The following TULP3 variants were observed in gnomAD, a reference collection of about 807,000 sequenced individuals.
The protein encoded by TULP3 is tubby-related protein 3.
Under a neutral mutation model 50.7 loss-of-function variants are expected in TULP3, and 38 were observed. That is an observed-to-expected ratio of 0.75 (90% CI 0.58 to 0.98). TULP3 has a LOEUF of 0.98. TULP3 is among the 50% of genes least tolerant of loss of function. The pLI is 0.00. For missense variants in TULP3, 550 were observed against 568.0 expected, an observed-to-expected ratio of 0.97 and a Z score of 0.32; for synonymous variants, 183 against 196.6, an observed-to-expected ratio of 0.93 and a Z score of 0.58.
At chr12:2,907,404 G>C (rs1403711696) in intron 1 of TULP3, among the ~76,000 whole-genome samples, 1 of 150,042 alleles carries the variant, frequency 6.7e-6, no homozygotes, top group Non-Finnish European at 1.5e-5. Flanking sequence ...GAACCTGGGA[G>C]GCAGAGGTTG....
rs976090657 is a variant in TULP3 at position 2,939,824 on chromosome 12, A to G, written c.*380A>G. On this transcript the variant is annotated 3_prime_UTR_variant, in exon 11 of 11. Coordinates refer to ENST00000448120, the MANE Select transcript of TULP3 (RefSeq NM_003324.5). This position sits in a 1 kb window ranked among gnomAD's most constrained non-coding sequence, Gnocchi z 4.0. ...TATAAAACACACACACACCCCGCGC[A>G]CTCTCACTCCTTTTCCAGGTTTCAT... The G allele has an allele frequency of 5.1e-6, 6 of 1,187,740 alleles. No homozygotes were observed. In the South Asian group the frequency reaches 6.3e-5, roughly 13 times the overall value. 73.6% of individuals were successfully genotyped at this position (1,187,740 alleles called of 1,614,324 possible). A position where few individuals can be genotyped will look rare whatever the true frequency, so the allele number is the denominator to read the frequency against.
At position 2,940,444 on chromosome 12, in the gene TULP3, G is replaced by T; in HGVS notation, c.*1000G>T. On this transcript the variant is annotated 3_prime_UTR_variant, in exon 11 of 11. Coordinates refer to ENST00000448120, the MANE Select transcript of TULP3 (RefSeq NM_003324.5). Reference sequence around the variant, plus strand: ...TCTCGGCTCCCTCAACCCTGGCTCAGGCACAGAAGGTGTTTTGCTACGTTT... The same window carrying T: ...TCTCGGCTCCCTCAACCCTGGCTCATGCACAGAAGGTGTTTTGCTACGTTT... 6.8e-7 allele frequency: 1 copy of T among 1,480,072 alleles called. No homozygotes were observed. 91.7% of individuals were successfully genotyped at this position (1,480,072 alleles called of 1,614,324 possible).
chr12:2,937,277 C>T (rs1217722368), intron 8 of TULP3, among the ~76,000 whole-genome samples: 2 of 114,644 alleles, frequency 1.7e-5, no homozygotes, highest in Admixed American at 1.3e-4. Flanking sequence ...AGTGCAACGG[C>T]GTGATCTCGG....
At chr12:2,891,096 T>A in intron 1 of TULP3, 108 bp downstream of exon 1, 1 of 1,301,350 alleles carries the variant, frequency 7.7e-7, no homozygotes, top group Non-Finnish European at 1.0e-6. Context: ...GACTCGGGAC[T>A]TGGCGACTCA....
At chr12:2,920,618 C>T (rs1353272654) in intron 2 of TULP3, 145 bp from the exon 3 acceptor site, 2 of 902,960 alleles carry the variant, frequency 2.2e-6, no homozygotes, top group Middle Eastern at 3.5e-4. Flanking sequence ...CCTCTCTGTG[C>T]CTCAGTTTTC....
chr12:2,940,844 TCA>T lies in TULP3; in HGVS notation c.*1403_*1404del, dbSNP rs2098204415. The stretch of plus-strand genomic sequence containing the variant: ...GCATGTATCCCACCAAGTGCCTCCC[TCA>T]CAGCCATGCCCAGAAGCCTCACACC... On this transcript the variant is annotated 3_prime_UTR_variant, in exon 11 of 11. Coordinates refer to ENST00000448120, the MANE Select transcript of TULP3 (RefSeq NM_003324.5). The T allele has an allele frequency of 2.2e-6, 2 of 925,970 alleles. No individual in the cohort carries two copies. The highest frequency in any genetic ancestry group is 3.3e-5 in the African/African-American group (2 of 59,848). The allele number at this position is 925,970 out of a possible 1,614,324, so 57.4% of individuals were successfully genotyped here. A position where few individuals can be genotyped will look rare whatever the true frequency, so the allele number is the denominator to read the frequency against.
intron 1 of TULP3, among the ~76,000 whole-genome samples, chr12:2,904,666 TGAGAAAAATGA>T (rs1186925147): frequency 6.6e-6 from 1 of 152,166 alleles, no homozygotes; most frequent in Admixed American, 6.6e-5. Flanking sequence ...AAATTTTCTT[TGAGAAAAATGA>T]GAGGAAAAAG....
At chr12:2,892,218 A>G (rs1396056148) in intron 1 of TULP3, among the ~76,000 whole-genome samples, 1 of 152,102 alleles carries the variant, frequency 6.6e-6, no homozygotes. Context: ...TTTTTCGTCA[A>G]GTTCTATTGA....
chr12:2,914,549 A>G (rs903315025), intron 2 of TULP3, among the ~76,000 whole-genome samples: 1 of 152,230 alleles, frequency 6.6e-6, no homozygotes, highest in African/African-American at 2.4e-5. Context: ...AGCTTCATTC[A>G]GATATTCAGC....
chr12:2,929,263 G>A (rs1333999436), intron 4 of TULP3, among the ~76,000 whole-genome samples: 5 of 151,926 alleles, frequency 3.3e-5, no homozygotes, highest in African/African-American at 1.2e-4. Context: ...CTTGCAGTGA[G>A]TCGAGATCGC....
intron 2 of TULP3, among the ~76,000 whole-genome samples, chr12:2,918,571 G>A (rs537750498): frequency 5.9e-5 from 9 of 151,444 alleles, no homozygotes; most frequent in Non-Finnish European, 1.2e-4. Flanking sequence ...ATGGAGTTTT[G>A]CTGTTGTTGC....
At chr12:2,921,036 A>G in intron 3 of TULP3, 114 bp downstream of exon 3, 4 of 1,225,072 alleles carry the variant, frequency 3.3e-6, no homozygotes, top group Non-Finnish European at 4.6e-6. Context: ...ATTACTAGGT[A>G]CCTTCATAAA....
chr12:2,931,049 T>A lies in TULP3; in HGVS notation c.505T>A (p.Ser169Thr). The change falls in exon 6 of 11, where the codon TCC becomes ACC. Residue 169 changes from serine (S) to threonine (T), a missense_variant. Ser to Thr is a moderately conservative substitution (Grantham distance 58, BLOSUM62 1). Coordinates refer to ENST00000448120, the MANE Select transcript of TULP3 (RefSeq NM_003324.5). ...GCTGTCCTTTCAGGATACAGGCACT[T>A]CCGGTTCTGCTACTGCCGCCCAACC... ...SSQNSTDTGT[S>T]GSATAAQPAD... 1.2e-6 allele frequency: 2 copies of A among 1,614,086 alleles called. No homozygotes were observed. The highest frequency in any genetic ancestry group is 1.7e-6 in the Non-Finnish European group (2 of 1,180,008).
intron 4 of TULP3, among the ~76,000 whole-genome samples, chr12:2,923,644 T>G (rs1230625303): frequency 1.4e-5 from 2 of 143,480 alleles, no homozygotes; most frequent in African/African-American, 5.2e-5. Flanking sequence ...AGAGTGAAAC[T>G]TCTCAAAAAA....
Position 2,940,086 on chromosome 12 carries a change from G to A in TULP3, c.*642G>A, listed in dbSNP as rs1020705864. On this transcript the variant is annotated 3_prime_UTR_variant, in exon 11 of 11. Coordinates refer to ENST00000448120, the MANE Select transcript of TULP3 (RefSeq NM_003324.5). ...ATCACATTTGTGATCAATTATGTGAGAATTTTATATAATTGTCTTCATTTC... is the reference window on the plus strand; with the variant it reads ...ATCACATTTGTGATCAATTATGTGAAAATTTTATATAATTGTCTTCATTTC... 2 of 1,289,668 alleles carry A rather than the reference G, an allele frequency of 1.6e-6. No individual in the cohort carries two copies. The highest frequency in any genetic ancestry group is 2.3e-5 in the Admixed American group (1 of 43,548). The allele number at this position is 1,289,668 out of a possible 1,614,324, so 79.9% of individuals were successfully genotyped here. A position where few individuals can be genotyped will look rare whatever the true frequency, so the allele number is the denominator to read the frequency against.
At position 2,930,283 on chromosome 12, in the gene TULP3, G is replaced by C. The variant is rs2098197185; in HGVS notation, c.430G>C (p.Asp144His). The C allele has an allele frequency of 6.2e-7, 1 of 1,612,894 alleles. No homozygotes were observed. Among genetic ancestry groups the C allele is most frequent in the African/African-American group, 1.3e-5 (1 of 75,024 alleles). Residue 144 changes from aspartate (D) to histidine (H), a missense_variant, in exon 5 of 11, where the codon GAT (aspartate) becomes CAT (histidine). Asp to His is a moderately conservative substitution (Grantham distance 81). Transcript: ENST00000448120. ...SESVNFDEET[D>H]GISQSACLER... ...AAGTGTGAACTTCGATGAGGAGACT[G>C]ATGGAATATCCCAGTCAGCATGTTT...
Position 2,940,973 on chromosome 12 carries a change from A to T in TULP3, c.*1529A>T, listed in dbSNP as rs1406102433. The T allele has an allele frequency of 1.1e-5, 5 of 472,276 alleles. No homozygotes were observed. The highest frequency in any genetic ancestry group is 1.9e-5 in the Non-Finnish European group (5 of 266,650). The allele number at this position is 472,276 out of a possible 1,614,324, so 29.3% of individuals were successfully genotyped here. A position where few individuals can be genotyped will look rare whatever the true frequency, so the allele number is the denominator to read the frequency against. On this transcript the variant is annotated 3_prime_UTR_variant, in exon 11 of 11. Transcript: ENST00000448120. ...AATACACGACAGCATGTGGGGAAGG[A>T]CTTATGGTGGGCCAGGTGGACCTCA... is the stretch of plus-strand genomic sequence containing the variant.
intron 2 of TULP3, among the ~76,000 whole-genome samples, chr12:2,918,065 G>C (rs976165239): frequency 5.9e-5 from 9 of 152,002 alleles, no homozygotes; most frequent in Non-Finnish European, 1.2e-4. Flanking sequence ...ACTCCAGCCT[G>C]GGCAGCAAGA....
chr12:2,934,746 ACT>A (rs2098200117), intron 8 of TULP3, among the ~76,000 whole-genome samples, 185 bp downstream of exon 8: 2 of 151,708 alleles, frequency 1.3e-5, no homozygotes, highest in Admixed American at 1.3e-4. Flanking sequence ...ATTATTTTTC[ACT>A]CTCAGAACAT....
Sources: gnomAD v4.1 joint callset for allele counts (sites outside exome capture counted in the v4.1 genomes callset) on GRCh38, gnomAD v4.1.1 for gene constraint, Gnocchi (gnomAD v3.1) non-coding constraint, MANE v1.5 for transcripts, NCBI Gene and HGNC (gene_info 2026-07-23, HGNC 2026-07-21) for gene names.